The following TESK2 variants were observed in gnomAD, a reference collection of about 807,000 sequenced individuals.
TESK2 encodes testis associated actin remodelling kinase 2.
In TESK2, 39 loss-of-function variants were observed where a neutral mutation model predicts 57.1. That is an observed-to-expected ratio of 0.68 (90% CI 0.53 to 0.89). The LOEUF is 0.89. Among genes scored for constraint, TESK2 ranks in the 40% least tolerant of loss-of-function variants. The pLI, the probability that TESK2 is intolerant of heterozygous loss-of-function variation, is 0.00. For missense variants in TESK2, 646 were observed against 732.1 expected, an observed-to-expected ratio of 0.88 and a Z score of 1.36; for synonymous variants, 249 against 267.9, an observed-to-expected ratio of 0.93 and a Z score of 0.69.
intron 1 of TESK2, among the ~76,000 whole-genome samples, chr1:45,487,544 T>C (rs1165883778): frequency 6.6e-6 from 1 of 152,212 alleles, no homozygotes; most frequent in African/African-American, 2.4e-5. Context: ...AGCCAGTTTT[T>C]GTCTTTACCT....
intron 3 of TESK2, among the ~76,000 whole-genome samples, chr1:45,420,302 C>T (rs540813725): frequency 2.6e-5 from 4 of 152,236 alleles, no homozygotes; most frequent in Non-Finnish European, 5.9e-5. Context: ...TGCAGTGCTG[C>T]AATCATGGCT....
rs371783133 is a variant in TESK2 at position 45,385,941 on chromosome 1, G to A, written c.364C>T (p.His122Tyr). The change falls in exon 4 of 11, where the codon CAT (histidine) becomes TAT (tyrosine). Residue 122 changes from histidine to tyrosine, a missense_variant. By Grantham distance (83) the His-to-Tyr change is moderately conservative (BLOSUM62 2). Transcript: ENST00000372086. Reference sequence around the variant, plus strand: ...GTAAGTGCATGCAATTGTCCTTGATGAACACATACACCCATGAACCTAAAG... The same window carrying A: ...GTAAGTGCATGCAATTGTCCTTGATAAACACATACACCCATGAACCTAAAG... The part of the protein sequence containing the change: ...NILRFMGVCV[H>Y]QGQLHALTEY... 1 of 1,607,082 alleles carries A rather than the reference G, an allele frequency of 6.2e-7. No individual in the cohort carries two copies. Among genetic ancestry groups the A allele is most frequent in the Non-Finnish European group, 8.5e-7 (1 of 1,176,148 alleles).
intron 4 of TESK2, among the ~76,000 whole-genome samples, chr1:45,362,358 T>G (rs1162283575): frequency 6.6e-6 from 1 of 152,188 alleles, no homozygotes; most frequent in African/African-American, 2.4e-5. Flanking sequence ...CAGAGAATAT[T>G]CTGGACTGGC....
intron 3 of TESK2, among the ~76,000 whole-genome samples, chr1:45,395,691 T>G (rs1465198729): frequency 1.3e-5 from 2 of 151,668 alleles, no homozygotes; most frequent in African/African-American, 4.8e-5. Context: ...ACTGCAACCT[T>G]GAACTCCTGG....
intron 3 of TESK2, among the ~76,000 whole-genome samples, chr1:45,394,708 T>TTTTA (rs1553149041): frequency 2.8e-5 from 4 of 142,492 alleles, no homozygotes; most frequent in Middle Eastern, 3.6e-3. Context: ...TTTTTTTTTT[T>TTTTA]AAAGACAGAG....
Position 45,477,058 on chromosome 1 carries a change from C to CA in TESK2, c.-87+13793dup, listed in dbSNP as rs367548030. Among the ~76,000 whole-genome samples, 27 of 123,504 alleles carry CA rather than the reference C, an allele frequency of 2.2e-4. No individual in the cohort carries two copies. The South Asian group carries it at 5.8e-3, about 27-fold the overall frequency. The allele number at this position is 123,504 out of a possible 152,430, so 81.0% of individuals were successfully genotyped here. On this transcript the variant is annotated intron_variant, in intron 1 of 10. Transcript: ENST00000372086. ...CAACGTGGTGAAACCACGTCTCTAC[C>CA]AAAAAAAAAAAAATACAAAAATTAG...
chr1:45,467,610 A>T (rs1254771899), intron 1 of TESK2, among the ~76,000 whole-genome samples: 1 of 150,666 alleles, frequency 6.6e-6, no homozygotes, highest in Non-Finnish European at 1.5e-5. Flanking sequence ...GATTACAGGC[A>T]TGAGCCACTG....
chr1:45,399,844 G>A lies in TESK2; in HGVS notation c.345-13884C>T, dbSNP rs140188915. Reference sequence around the variant, plus strand: ...AAATGGGTAATGAGCCGCATTATCCGTTGGAGTATGGGAAGAAAATGAAAA... The same window carrying A: ...AAATGGGTAATGAGCCGCATTATCCATTGGAGTATGGGAAGAAAATGAAAA... On this transcript the variant is annotated intron_variant, in intron 3 of 10. Transcript: ENST00000372086. 3.2e-4 allele frequency among the ~76,000 whole-genome samples: 48 copies of A among 152,250 alleles called. No individual in the cohort carries two copies. In the East Asian group the frequency reaches 7.7e-3, roughly 24 times the overall value.
intron 3 of TESK2, among the ~76,000 whole-genome samples, chr1:45,388,179 A>G (rs1338924776): frequency 6.6e-6 from 1 of 152,192 alleles, no homozygotes; most frequent in Non-Finnish European, 1.5e-5. Context: ...AAGGACAGAG[A>G]GTAAATAAAA....
At chr1:45,428,679 A>AT (rs1650812434) in intron 2 of TESK2, among the ~76,000 whole-genome samples, 2 of 151,110 alleles carry the variant, frequency 1.3e-5, no homozygotes. Context: ...ATTTTTATAT[A>AT]TTTTTTTAGA....
rs140568017 is a variant in TESK2, at chr1:45,415,548, T to C, written c.344+6177A>G. On this transcript the variant is annotated intron_variant, in intron 3 of 10. Transcript: ENST00000372086. ...TTATGATTACGAAATAAAAACTAAA[T>C]AACAACAACAACAACAACAACAAAG... Among the ~76,000 whole-genome samples the C allele has an allele frequency of 1.7e-3, 256 of 151,656 alleles. 1 individual carries two copies. The highest frequency in any genetic ancestry group is 2.5e-3 in the Non-Finnish European group (167 of 67,892).
At chr1:45,458,733 A>C (rs952042737) in intron 1 of TESK2, among the ~76,000 whole-genome samples, 1 of 151,878 alleles carries the variant, frequency 6.6e-6, no homozygotes, top group African/African-American at 2.4e-5. Flanking sequence ...ATATTATATA[A>C]TTTTTAAAAA....
intron 1 of TESK2, among the ~76,000 whole-genome samples, chr1:45,485,487 G>A (rs979661335): frequency 7.9e-6 from 1 of 126,728 alleles, no homozygotes; most frequent in Non-Finnish European, 1.7e-5. Context: ...GCGCCCAGCC[G>A]ACTTTTCACT....
chr1:45,361,255 G>A (rs1647673407), intron 4 of TESK2, among the ~76,000 whole-genome samples: 2 of 152,226 alleles, frequency 1.3e-5, no homozygotes, highest in South Asian at 2.1e-4. Context: ...AACTGCATTA[G>A]CATGTTCAGC....
chr1:45,343,994 G>T lies in TESK2; in HGVS notation c.*846C>A. On this transcript the variant is annotated 3_prime_UTR_variant, in exon 11 of 11. Coordinates refer to ENST00000372086, the MANE Select transcript of TESK2 (RefSeq NM_007170.3). The surrounding 1 kb of genome is among the most constrained non-coding windows in gnomAD (Gnocchi z 4.3). ...AAATATTTGACCAGCTTCATCTTTGGTTATTTCTTATTGCAGCTCTGTAAG... is the reference window on the plus strand; with the variant it reads ...AAATATTTGACCAGCTTCATCTTTGTTTATTTCTTATTGCAGCTCTGTAAG... 1 of 349,576 alleles carries T rather than the reference G, an allele frequency of 2.9e-6. No homozygotes were observed. Among genetic ancestry groups the T allele is most frequent in the Non-Finnish European group, 5.3e-6 (1 of 187,746 alleles). The allele number at this position is 349,576 out of a possible 1,614,324, so 21.7% of individuals were successfully genotyped here.
At chr1:45,395,011 T>C (rs972462500) in intron 3 of TESK2, among the ~76,000 whole-genome samples, 4 of 152,124 alleles carry the variant, frequency 2.6e-5, no homozygotes, top group African/African-American at 9.7e-5. Context: ...CTCTTAACTC[T>C]GATACTACTG....
chr1:45,389,750 T>C (rs1226335636), intron 3 of TESK2, among the ~76,000 whole-genome samples: 3 of 152,178 alleles, frequency 2.0e-5, no homozygotes, highest in African/African-American at 7.2e-5. Context: ...TCTATAAAAA[T>C]GGACAGAAAA....
intron 3 of TESK2, among the ~76,000 whole-genome samples, chr1:45,409,982 T>C (rs1649978005): frequency 1.3e-5 from 2 of 152,066 alleles, no homozygotes; most frequent in South Asian, 2.1e-4. Flanking sequence ...CTGGCCAACA[T>C]GGTGAAATCC....
intron 2 of TESK2, among the ~76,000 whole-genome samples, chr1:45,452,682 G>A (rs565055313): frequency 2.7e-4 from 41 of 151,874 alleles, no homozygotes; most frequent in African/African-American, 9.4e-4. Context: ...TGGGAGGCAG[G>A]TGCAGGAGGA....
Sources: gnomAD v4.1 joint callset for allele counts (sites outside exome capture counted in the v4.1 genomes callset) on GRCh38, gnomAD v4.1.1 for gene constraint, Gnocchi (gnomAD v3.1) non-coding constraint, MANE v1.5 for transcripts, NCBI Gene and HGNC (gene_info 2026-07-23, HGNC 2026-07-21) for gene names.